The following ZC3H7A variants were observed in gnomAD, a reference collection of about 807,000 sequenced individuals.
ZC3H7A encodes the protein zinc finger CCCH-type containing 7A.
A neutral mutation model predicts 125.5 loss-of-function variants in ZC3H7A; 44 were observed. That is an observed-to-expected ratio of 0.35 (90% confidence interval 0.28 to 0.45). The LOEUF is 0.45. ZC3H7A is among the 20% of genes least tolerant of loss of function. ZC3H7A has a pLI of 1.00. For missense variants in ZC3H7A, 977 were observed against 1,170.7 expected, an observed-to-expected ratio of 0.83 and a Z score of 2.41; for synonymous variants, 399 against 391.2, an observed-to-expected ratio of 1.02 and a Z score of -0.23.
At chr16:11,756,457 A>G in intron 20 of ZC3H7A, 87 bp from the exon 21 acceptor site, 1 of 1,526,626 alleles carries the variant, frequency 6.6e-7, no homozygotes, top group Non-Finnish European at 8.8e-7. Context: ...AGCAGTCAGC[A>G]TACAGTTCAA....
rs2052849333 is a variant in ZC3H7A at position 11,765,907 on chromosome 16, T to C, written c.1523-222A>G. 6.6e-6 allele frequency among the ~76,000 whole-genome samples: 1 copy of C among 152,170 alleles called. No homozygotes were observed. Among genetic ancestry groups the C allele is most frequent in the African/African-American group, 2.4e-5 (1 of 41,454 alleles). ...ATGGTAATTGTTTCCTTAAAGCCAA[T>C]GAATATAAATAACATTTAGGGCATC... is the stretch of plus-strand genomic sequence containing the variant. On this transcript the variant is annotated intron_variant, in intron 13 of 22. Coordinates refer to ENST00000355758, the MANE Select transcript of ZC3H7A (RefSeq NM_014153.4). This position sits in a 1 kb window ranked among gnomAD's most constrained non-coding sequence, Gnocchi z 4.8.
At chr16:11,792,584 TACTGGACTCCAGGC>T (rs1381000770) in intron 1 of ZC3H7A, among the ~76,000 whole-genome samples, 2 of 152,258 alleles carry the variant, frequency 1.3e-5, no homozygotes, top group Non-Finnish European at 2.9e-5. Flanking sequence ...TAGTAGCTCT[TACTGGACTCCAGGC>T]ACTGTTCTAC....
At chr16:11,758,743 C>A in intron 19 of ZC3H7A, 1 of 515,498 alleles carries the variant, frequency 1.9e-6, no homozygotes, top group Non-Finnish European at 3.4e-6. Flanking sequence ...CAAAATTTTT[C>A]AAAAGAAAAT....
chr16:11,771,244 T>C (rs1391817525), intron 9 of ZC3H7A, among the ~76,000 whole-genome samples: 1 of 151,946 alleles, frequency 6.6e-6, no homozygotes, highest in Non-Finnish European at 1.5e-5. Context: ...AAACATTGGC[T>C]GTGCATGGTG....
At chr16:11,761,299 T>A (rs1057217438) in intron 19 of ZC3H7A, 107 bp downstream of exon 19, 1 of 1,058,724 alleles carries the variant, frequency 9.4e-7, no homozygotes, top group African/African-American at 1.6e-5. Flanking sequence ...GCATTATTAC[T>A]GACGAATATT....
Position 11,770,963 on chromosome 16 carries a change from G to A in ZC3H7A, c.928C>T (p.Leu310Phe). The A allele has an allele frequency of 6.2e-7, 1 of 1,611,664 alleles. No individual in the cohort carries two copies. Among genetic ancestry groups the A allele is most frequent in the Non-Finnish European group, 8.5e-7 (1 of 1,179,146 alleles). The change falls in exon 10 of 23, where the codon CTT (leucine) becomes TTT (phenylalanine). Residue 310 changes from leucine to phenylalanine, a missense_variant. By Grantham distance (22) the Leu-to-Phe change is conservative (BLOSUM62 0). Around this residue, in one of 3 missense-constraint regions of ZC3H7A, gnomAD observed 342 missense variants for 311.3 expected, o/e 1.10. Coordinates refer to ENST00000355758, the MANE Select transcript of ZC3H7A (RefSeq NM_014153.4). ...CTAGGAGAGACACTGGCTGTCTGAA[G>A]GGGTCCTCTGACTAAAGCTGACGGC... is the stretch of plus-strand genomic sequence containing the variant. The part of the protein sequence containing the change: ...VMPSALVRGP[L>F]QTASVSPSMP...
intron 1 of ZC3H7A, chr16:11,783,145 AG>A (rs1211296242): frequency 1.3e-5 from 2 of 152,168 alleles, no homozygotes; most frequent in African/African-American, 4.8e-5. Context: ...CTTGCCTCCG[AG>A]GGAGTCTGAC....
At chr16:11,788,196 G>A (rs1171636456) in intron 1 of ZC3H7A, among the ~76,000 whole-genome samples, 2 of 152,052 alleles carry the variant, frequency 1.3e-5, no homozygotes, top group Admixed American at 6.6e-5. Context: ...CTCACAGCCT[G>A]GGCTAGGTCT....
At chr16:11,791,266 T>C (rs1223651556) in intron 1 of ZC3H7A, among the ~76,000 whole-genome samples, 1 of 151,906 alleles carries the variant, frequency 6.6e-6, no homozygotes, top group East Asian at 1.9e-4. Context: ...GCTTCACACA[T>C]GAGGCTCCCG....
chr16:11,791,062 A>G (rs2053342165), intron 1 of ZC3H7A, among the ~76,000 whole-genome samples: 1 of 148,212 alleles, frequency 6.7e-6, no homozygotes, highest in Admixed American at 6.9e-5. Flanking sequence ...ACAGAGCAAG[A>G]CCCTGTCTCT....
chr16:11,772,667 T>C (rs2053005845), intron 9 of ZC3H7A, among the ~76,000 whole-genome samples: 1 of 151,428 alleles, frequency 6.6e-6, no homozygotes, highest in Non-Finnish European at 1.5e-5. Context: ...CTGCTACTGA[T>C]TTATTTTACT....
rs1292162937 is a variant in ZC3H7A, at chr16:11,768,335, T to C, written c.1340A>G (p.Gln447Arg). The C allele has an allele frequency of 9.6e-6, 15 of 1,556,440 alleles. No homozygotes were observed. Among genetic ancestry groups the C allele is most frequent in the Non-Finnish European group, 1.0e-5 (12 of 1,144,372 alleles). Reference sequence around the variant, plus strand: ...CTGACCTGATTTTACAAAACAGATCTGGCAAGCTTGTCTCAATTCATGGGT... The same window carrying C: ...CTGACCTGATTTTACAAAACAGATCCGGCAAGCTTGTCTCAATTCATGGGT... ...EGTHELRQAC[Q>R]ICFVKSGPKL... is the part of the protein sequence containing the mutation. Residue 447 changes from glutamine to arginine, a missense_variant, in exon 12 of 23, where the codon CAG (glutamine) becomes CGG (arginine). Coordinates refer to ENST00000355758, the MANE Select transcript of ZC3H7A (RefSeq NM_014153.4).
chr16:11,757,322 A>T (rs1168806982), intron 20 of ZC3H7A, among the ~76,000 whole-genome samples: 3 of 151,792 alleles, frequency 2.0e-5, no homozygotes, highest in Non-Finnish European at 2.9e-5. Flanking sequence ...GGCTCTACTA[A>T]AAATACAAAA....
intron 1 of ZC3H7A, among the ~76,000 whole-genome samples, chr16:11,788,916 A>G (rs1195399304): frequency 6.6e-6 from 1 of 151,974 alleles, no homozygotes; most frequent in Non-Finnish European, 1.5e-5. Context: ...TCGGCCTCAC[A>G]AAGATATTCT....
Position 11,776,424 on chromosome 16 carries a change from A to G in ZC3H7A, c.546+28T>C, listed in dbSNP as rs969318868. The G allele has an allele frequency of 1.1e-5, 17 of 1,600,666 alleles. No individual in the cohort carries two copies. In the Admixed American group the frequency reaches 2.5e-4, roughly 23 times the overall value. On this transcript the variant is annotated intron_variant, in intron 6 of 22. Transcript: ENST00000355758. ...CTCCAAGTTCTAAAACAAAATGAAA[A>G]CACCTTATGCAGAGAACTCCAGCTT...
intron 1 of ZC3H7A, among the ~76,000 whole-genome samples, chr16:11,787,583 T>C (rs1407462852): frequency 6.6e-6 from 1 of 152,162 alleles, no homozygotes; most frequent in Non-Finnish European, 1.5e-5. Flanking sequence ...CTCATCAGCC[T>C]CCTGAGTAGC....
At chr16:11,761,670 C>A in intron 18 of ZC3H7A, 159 bp from the exon 19 acceptor site, 1 of 837,410 alleles carries the variant, frequency 1.2e-6, no homozygotes, top group Non-Finnish European at 1.8e-6. Flanking sequence ...TTCCTATTGT[C>A]ATTTACAAAC....
intron 3 of ZC3H7A, 86 bp from the exon 4 acceptor site, chr16:11,779,449 A>G (rs1236572533): frequency 1.1e-5 from 13 of 1,187,798 alleles, no homozygotes; most frequent in Non-Finnish European, 1.5e-5. Context: ...CTAAAACTTC[A>G]CAGGAAACAA....
At position 11,750,797 on chromosome 16, in the gene ZC3H7A, T is replaced by A. The variant is rs962049709; in HGVS notation, c.*520A>T. 1 of 152,636 alleles carries A rather than the reference T, an allele frequency of 6.6e-6. No homozygotes were observed. Among genetic ancestry groups the A allele is most frequent in the Admixed American group, 6.5e-5 (1 of 15,272 alleles). 9.5% of individuals were successfully genotyped at this position (152,636 alleles called of 1,614,324 possible). ...AGTGAAACATACAAATACAGAAAAA[T>A]ACCCCATTTAACAAATACTAGTGTT... On this transcript the variant is annotated 3_prime_UTR_variant, in exon 23 of 23. Transcript: ENST00000355758.
Sources: allele counts gnomAD v4.1 joint callset (sites outside exome capture counted in the v4.1 genomes callset), GRCh38; gene constraint gnomAD v4.1.1; regional missense constraint gnomAD v4.1.1; non-coding constraint Gnocchi (gnomAD v3.1); transcripts MANE v1.5; gene names NCBI Gene and HGNC (gene_info 2026-07-23, HGNC 2026-07-21).